CCL28: variants seen among roughly 807,000 people sequenced by gnomAD.
The protein encoded by CCL28 is C-C motif chemokine 28.
Under a neutral mutation model 7.1 loss-of-function variants are expected in CCL28, and 4 were observed. The ratio of observed to expected loss-of-function variants is 0.56; its 90% confidence interval spans 0.28 to 1.29. The LOEUF is 1.29. Ranked by LOEUF, CCL28 falls within the 50% of genes most tolerant of loss-of-function variation. The pLI is 0.11. For missense variants in CCL28, 151 were observed against 163.4 expected (o/e 0.92, Z 0.41); for synonymous variants, 55 against 57.8 (o/e 0.95, Z 0.22).
downstream of CCL28, among the ~76,000 whole-genome samples, chr5:43,378,464 G>A (rs888982917): frequency 1.3e-5 from 2 of 151,998 alleles, no homozygotes; most frequent in African/African-American, 2.4e-5. Context: ...TTTTTAAATC[G>A]CACACCTATA....
chr5:43,398,849 C>CAA lies in CCL28; in HGVS notation c.65-10375_65-10374dup, dbSNP rs61430278. Among the ~76,000 whole-genome samples, 32 of 150,690 alleles carry CAA rather than the reference C, an allele frequency of 2.1e-4. No homozygotes were observed. The South Asian group carries it at 4.2e-3, about 20-fold the overall frequency. ...TGGGCGACAGAGAGGGACTCCATCT[C>CAA]AAAAAAAAAGAAGAGAAATTACTTT... On this transcript the variant is annotated intron_variant, in intron 1 of 2. Coordinates refer to ENST00000361115, the MANE Select transcript of CCL28 (RefSeq NM_148672.3).
At chr5:43,372,454 C>T (rs113765410), downstream of CCL28, among the ~76,000 whole-genome samples, 2,194 of 150,914 alleles carry the variant, frequency 0.015, 55 homozygotes, top group African/African-American at 0.044. Context: ...CTGCAACCTC[C>T]GCCTCCCAGG....
chr5:43,410,141 G>A (rs1410743400), intron 1 of CCL28, among the ~76,000 whole-genome samples: 1 of 152,142 alleles, frequency 6.6e-6, no homozygotes, highest in Non-Finnish European at 1.5e-5. Flanking sequence ...CCCTTGCCAA[G>A]GCCACCTGTC....
intron 1 of CCL28, among the ~76,000 whole-genome samples, chr5:43,410,712 G>A (rs1450723190): frequency 6.6e-6 from 1 of 152,152 alleles, no homozygotes; most frequent in Non-Finnish European, 1.5e-5. Context: ...CAGGAAGCTG[G>A]ATGGAGGTAC....
chr5:43,358,073 G>A, the CCL28 span, among the ~76,000 whole-genome samples: 32 of 152,244 alleles, frequency 2.1e-4, no homozygotes, highest in South Asian at 1.5e-3. Context: ...CACCACTCAC[G>A]CCTTGTGAAG....
At chr5:43,412,108 C>A in intron 1 of CCL28, 145 bp downstream of exon 1, 1 of 534,718 alleles carries the variant, frequency 1.9e-6, no homozygotes, top group East Asian at 3.2e-5. Flanking sequence ...AAAGCTATGT[C>A]ATTCTCTTGT....
At chr5:43,366,360 C>T in the CCL28 span, among the ~76,000 whole-genome samples, 292 of 152,242 alleles carry the variant, frequency 1.9e-3, no homozygotes, top group African/African-American at 6.7e-3. Flanking sequence ...TGTGGACGTC[C>T]TTTTTGTTGA....
the CCL28 span, among the ~76,000 whole-genome samples, chr5:43,361,936 C>A: frequency 1.8e-5 from 2 of 109,524 alleles, no homozygotes; most frequent in Admixed American, 1.7e-4. Flanking sequence ...AAAGTGATGC[C>A]TCCAGCTTTG....
chr5:43,408,697 T>A lies in CCL28; in HGVS notation c.64+3556A>T, dbSNP rs138054716. On this transcript the variant is annotated intron_variant, in intron 1 of 2. Coordinates refer to ENST00000361115, the MANE Select transcript of CCL28 (RefSeq NM_148672.3). ...CACATTGCTAAATGCATAGAGGAAA[T>A]TCTGGAAGGATATGCAGAACCCTCT... Among the ~76,000 whole-genome samples the A allele has an allele frequency of 6.6e-5, 10 of 152,178 alleles. 1 individual carries two copies. The East Asian group carries it at 1.9e-3, about 29-fold the overall frequency.
chr5:43,410,661 C>T (rs1054677181), intron 1 of CCL28, among the ~76,000 whole-genome samples: 10 of 152,156 alleles, frequency 6.6e-5, no homozygotes. Context: ...CCCTCCTTTC[C>T]TGTAGGAGAG....
At chr5:43,386,005 GT>G (rs1191064601) in intron 2 of CCL28, among the ~76,000 whole-genome samples, 1 of 151,706 alleles carries the variant, frequency 6.6e-6, no homozygotes, top group African/African-American at 2.4e-5. Context: ...AACTTCCTCT[GT>G]TTTTTTTCTC....
At chr5:43,384,511 G>A (rs1166484565) in intron 2 of CCL28, among the ~76,000 whole-genome samples, 1 of 152,178 alleles carries the variant, frequency 6.6e-6, no homozygotes, top group Non-Finnish European at 1.5e-5. Flanking sequence ...TGGAAACGGG[G>A]CTGGCCTATT....
At chr5:43,387,477 G>A (rs1446902658) in intron 2 of CCL28, among the ~76,000 whole-genome samples, 3 of 152,190 alleles carry the variant, frequency 2.0e-5, no homozygotes, top group Non-Finnish European at 4.4e-5. Flanking sequence ...GGCAGGGGTG[G>A]GAGGCTTCAC....
chr5:43,362,685 C>T, the CCL28 span, among the ~76,000 whole-genome samples: 1 of 152,136 alleles, frequency 6.6e-6, no homozygotes, highest in Admixed American at 6.6e-5. Flanking sequence ...GCTGTGTCTT[C>T]GTTACCTCTG....
At chr5:43,406,919 A>G (rs915106352) in intron 1 of CCL28, among the ~76,000 whole-genome samples, 5 of 152,212 alleles carry the variant, frequency 3.3e-5, no homozygotes, top group Non-Finnish European at 4.4e-5. Flanking sequence ...AAATACCTTG[A>G]AATCCAACTT....
chr5:43,398,214 CT>C (rs1471445349), intron 1 of CCL28, among the ~76,000 whole-genome samples: 1 of 656 alleles, frequency 1.5e-3, no homozygotes, highest in Non-Finnish European at 2.9e-3. Context: ...AATTAGCAGA[CT>C]TTTTTTTCTT....
At chr5:43,363,601 C>T in the CCL28 span, among the ~76,000 whole-genome samples, 24 of 152,306 alleles carry the variant, frequency 1.6e-4, no homozygotes, top group African/African-American at 4.1e-4. Flanking sequence ...GTGTCAAGCC[C>T]GAGTGACCAA....
chr5:43,368,154 G>A, the CCL28 span, among the ~76,000 whole-genome samples: 7 of 152,152 alleles, frequency 4.6e-5, no homozygotes, highest in African/African-American at 9.7e-5. Context: ...TACGTGGGAG[G>A]AAAAATGACT....
intron 1 of CCL28, among the ~76,000 whole-genome samples, chr5:43,404,542 C>A (rs1015177711): frequency 6.6e-6 from 1 of 152,166 alleles, no homozygotes; most frequent in Non-Finnish European, 1.5e-5. Context: ...CAGTACCAGC[C>A]ACTGCAAAAA....
Sources: allele counts gnomAD v4.1 joint callset (sites outside exome capture counted in the v4.1 genomes callset), GRCh38; gene constraint gnomAD v4.1.1; transcripts MANE v1.5; gene names NCBI Gene and HGNC (gene_info 2026-07-23, HGNC 2026-07-21).